The following YTHDC2 variants were observed in gnomAD, a reference collection of about 807,000 sequenced individuals.
YTHDC2 encodes 3'-5' RNA helicase YTHDC2.
Under a neutral mutation model 174.9 loss-of-function variants are expected in YTHDC2, and 45 were observed. That is an observed-to-expected ratio of 0.26 (90% CI 0.20 to 0.33). The LOEUF (loss-of-function observed/expected upper bound fraction) is 0.33. Among genes scored for constraint, YTHDC2 ranks in the 10% least tolerant of loss-of-function variants. The pLI is 1.00. For missense variants in YTHDC2, 1,650 were observed against 1,723.7 expected, an observed-to-expected ratio of 0.96 and a Z score of 0.76; for synonymous variants, 657 against 574.5, an observed-to-expected ratio of 1.14 and a Z score of -2.05.
chr5:113,554,576 T>TAA (rs113829430), intron 16 of YTHDC2, among the ~76,000 whole-genome samples: 13 of 151,230 alleles, frequency 8.6e-5, no homozygotes, highest in East Asian at 1.9e-4. Flanking sequence ...CTTGCTTTTG[T>TAA]AAAAAAAAAG....
At position 113,526,705 on chromosome 5, in the gene YTHDC2, C is replaced by G. The variant is rs1774263258; in HGVS notation, c.595C>G (p.Gln199Glu). The G allele has an allele frequency of 6.3e-7, 1 of 1,576,590 alleles. No homozygotes were observed. The highest frequency in any genetic ancestry group is 8.6e-7 in the Non-Finnish European group (1 of 1,160,474). Reference sequence around the variant, plus strand: ...GCAGTCTTTACCAGTGTTTGAGAAACAGGAAGAAATTGTTAAAATAATTAA... The same window carrying G: ...GCAGTCTTTACCAGTGTTTGAGAAAGAGGAAGAAATTGTTAAAATAATTAA... ...FRQSLPVFEKQEEIVKIIKEN... is the reference protein window; with the variant it reads ...FRQSLPVFEKEEEIVKIIKEN... Residue 199 changes from glutamine (Q) to glutamate (E), a missense_variant, in exon 4 of 30, where the codon CAG becomes GAG. By Grantham distance (29) the Gln-to-Glu change is conservative. This residue lies in a region of YTHDC2 where 304 missense variants were observed against 341.4 expected (regional missense o/e 0.89). Transcript: ENST00000161863.
At chr5:113,529,474 C>G (rs1664321791) in intron 4 of YTHDC2, among the ~76,000 whole-genome samples, 1 of 152,094 alleles carries the variant, frequency 6.6e-6, no homozygotes, top group Non-Finnish European at 1.5e-5. Flanking sequence ...TTCCATCACT[C>G]TAAAAAAGAG....
At chr5:113,581,891 T>A in intron 25 of YTHDC2, 182 bp downstream of exon 25, 1 of 455,162 alleles carries the variant, frequency 2.2e-6, no homozygotes, top group Non-Finnish European at 3.6e-6. Context: ...TTCTAAGTAT[T>A]AAGGTAATAT....
intron 16 of YTHDC2, among the ~76,000 whole-genome samples, chr5:113,554,736 T>G (rs1776485460): frequency 7.4e-6 from 1 of 134,676 alleles, no homozygotes; most frequent in African/African-American, 3.4e-5. Context: ...CAGCCAACCT[T>G]TGTTATAAAA....
chr5:113,513,726 G>C lies in YTHDC2; in HGVS notation c.-170G>C. 3 of 697,326 alleles carry C rather than the reference G, an allele frequency of 4.3e-6. No individual in the cohort carries two copies. Among genetic ancestry groups the C allele is most frequent in the Non-Finnish European group, 6.7e-6 (3 of 449,192 alleles). The allele number at this position is 697,326 out of a possible 1,614,324, so 43.2% of individuals were successfully genotyped here. A position where few individuals can be genotyped will look rare whatever the true frequency, so the allele number is the denominator to read the frequency against. ...GCCTGGCCGTGATATCAATGGCGCA[G>C]GCTTCACTTCTGCTGTGGCGGTGAC... is the stretch of plus-strand genomic sequence containing the variant. On this transcript the variant is annotated 5_prime_UTR_variant, in exon 1 of 30. Transcript: ENST00000161863.
chr5:113,548,301 CT>C (rs1776021711), intron 10 of YTHDC2, among the ~76,000 whole-genome samples: 1 of 152,124 alleles, frequency 6.6e-6, no homozygotes, highest in African/African-American at 2.4e-5. Flanking sequence ...TAACATCGAT[CT>C]TTCCTTCTCC....
intron 18 of YTHDC2, among the ~76,000 whole-genome samples, chr5:113,562,142 A>G (rs924541960): frequency 6.6e-5 from 10 of 150,644 alleles, no homozygotes; most frequent in African/African-American, 2.4e-4. Flanking sequence ...TGTGTTAAAC[A>G]TCCATATACC....
chr5:113,553,288 T>C lies in YTHDC2; in HGVS notation c.1796T>C (p.Phe599Ser), dbSNP rs1342223399. 2.5e-6 allele frequency: 4 copies of C among 1,611,780 alleles called. No homozygotes were observed. In the African/African-American group the frequency reaches 5.4e-5, roughly 22 times the overall value. The change falls in exon 13 of 30, where the codon TTC becomes TCC. Residue 599 changes from phenylalanine to serine, a missense_variant. This residue lies in a region of YTHDC2 where 411 missense variants were observed against 380.6 expected (regional missense o/e 1.08). Transcript: ENST00000161863. ...CTCCTGAAAGCTTATCATCATAGTT[T>C]CGATGATGAAAAAGTAGACTTGGAT... ...RELLKAYHHS[F>S]DDEKVDLDLI...
chr5:113,528,628 C>T (rs1478388949), intron 4 of YTHDC2, among the ~76,000 whole-genome samples: 2 of 151,878 alleles, frequency 1.3e-5, no homozygotes, highest in African/African-American at 4.8e-5. Context: ...CCTCCCTCTG[C>T]CTCCCAAGTA....
At chr5:113,571,479 A>T (rs1360607027) in intron 23 of YTHDC2, among the ~76,000 whole-genome samples, 2 of 152,320 alleles carry the variant, frequency 1.3e-5, no homozygotes, top group East Asian at 3.9e-4. Context: ...TATCAGTATG[A>T]TGCTGGTCTT....
chr5:113,548,720 C>CT lies in YTHDC2; in HGVS notation c.1622+60dup, dbSNP rs1561658272. The CT allele has an allele frequency of 5.3e-6, 8 of 1,501,962 alleles. No individual in the cohort carries two copies. In the Admixed American group the frequency reaches 7.3e-5, roughly 14 times the overall value. The allele number at this position is 1,501,962 out of a possible 1,614,324, so 93.0% of individuals were successfully genotyped here. A position where few individuals can be genotyped will look rare whatever the true frequency, so the allele number is the denominator to read the frequency against. Reference sequence around the variant, plus strand: ...TATATCTTTGTATAGCTACACATATCTTTTTTTGTTTTCTTATGTTTGTCT... The same window carrying CT: ...TATATCTTTGTATAGCTACACATATCTTTTTTTTGTTTTCTTATGTTTGTCT... On this transcript the variant is annotated intron_variant, in intron 11 of 29. Coordinates refer to ENST00000161863, the MANE Select transcript of YTHDC2 (RefSeq NM_022828.5).
intron 9 of YTHDC2, 149 bp from the exon 10 acceptor site, chr5:113,542,219 G>T (rs1193200053): frequency 2.7e-6 from 2 of 732,846 alleles, no homozygotes; most frequent in African/African-American, 3.6e-5. Flanking sequence ...GATAATGTTT[G>T]TGATGAAAGG....
chr5:113,517,694 C>G (rs973301575), intron 2 of YTHDC2: 5 of 394,914 alleles, frequency 1.3e-5, no homozygotes, highest in African/African-American at 6.3e-5. Flanking sequence ...CTCCTTCTCT[C>G]TTTTTTTCAT....
chr5:113,559,357 T>G (rs1776814730), intron 17 of YTHDC2, among the ~76,000 whole-genome samples: 2 of 152,132 alleles, frequency 1.3e-5, no homozygotes, highest in South Asian at 4.1e-4. Context: ...GACATCAGTT[T>G]GAAAAAAGCC....
At chr5:113,526,027 C>T (rs1774207757) in intron 3 of YTHDC2, among the ~76,000 whole-genome samples, 1 of 152,034 alleles carries the variant, frequency 6.6e-6, no homozygotes, top group African/African-American at 2.4e-5. Context: ...AATTTGTTAA[C>T]ATTAGGACCT....
chr5:113,553,839 A>G lies in YTHDC2; in HGVS notation c.2037A>G (p.Ala679=). 1 of 1,608,438 alleles carries G rather than the reference A, an allele frequency of 6.2e-7. No individual in the cohort carries two copies. The highest frequency in any genetic ancestry group is 1.3e-5 in the African/African-American group (1 of 74,244). The change falls in exon 15 of 30, where the codon GCA becomes GCG. Residue 679 remains alanine (A), a synonymous_variant. Transcript: ENST00000161863. ...AGAAAGTATTAAAAAACCCACCTGC[A>G]GGTGTTCGAAAAATAGTAAGCTTCA... ...DQKKVLKNPP[A]GVRKIILSTN...
rs114904947 is a variant in YTHDC2 at position 113,568,951 on chromosome 5, G to A, written c.3244+1102G>A. On this transcript the variant is annotated intron_variant, in intron 23 of 29. Coordinates refer to ENST00000161863, the MANE Select transcript of YTHDC2 (RefSeq NM_022828.5). ...CACCATGCTGTCTCCCATGGTGGTT[G>A]AATTAATTTACACTAGTGTAATTTA... is the stretch of plus-strand genomic sequence containing the variant. Among the ~76,000 whole-genome samples, 310 of 152,208 alleles carry A rather than the reference G, an allele frequency of 2.0e-3. 1 individual carries two copies. Among genetic ancestry groups the A allele is most frequent in the African/African-American group, 7.0e-3 (289 of 41,520 alleles).
chr5:113,578,717 A>T (rs1246676425), intron 23 of YTHDC2, among the ~76,000 whole-genome samples: 1 of 152,130 alleles, frequency 6.6e-6, no homozygotes. Flanking sequence ...GATTTGTCTC[A>T]TTACAGGAAT....
At chr5:113,578,164 T>C (rs750630324) in intron 23 of YTHDC2, among the ~76,000 whole-genome samples, 13 of 151,916 alleles carry the variant, frequency 8.6e-5, no homozygotes, top group Non-Finnish European at 1.5e-4. Context: ...AACGGAATAG[T>C]GTTTGTGTGT....
Sources: gnomAD v4.1 joint callset for allele counts (sites outside exome capture counted in the v4.1 genomes callset) on GRCh38, gnomAD v4.1.1 for gene constraint, gnomAD v4.1.1 regional missense constraint, MANE v1.5 for transcripts, NCBI Gene and HGNC (gene_info 2026-07-23, HGNC 2026-07-21) for gene names.